The following ARFGAP2 variants were observed in gnomAD, a reference collection of about 807,000 sequenced individuals.
ARFGAP2 encodes the protein ADP-ribosylation factor GTPase-activating protein 2.
A neutral mutation model predicts 71.9 loss-of-function variants in ARFGAP2; 45 were observed. That is an observed-to-expected ratio of 0.63 (90% CI 0.49 to 0.80). The LOEUF is 0.80. ARFGAP2 is among the 30% of genes least tolerant of loss of function. The pLI is 0.00. For synonymous variants in ARFGAP2, 248 were observed against 249.2 expected, an observed-to-expected ratio of 1.00 and a Z score of 0.05; for missense variants, 633 against 673.9, an observed-to-expected ratio of 0.94 and a Z score of 0.67.
In ARFGAP2 at chr11:47,165,449, T is replaced by C; in HGVS notation, c.*33A>G. ...GGGAACTGTGGAGTTCTTGTTGCCG[T>C]CACCATCGTAAGCCTGAGTCACAGA... On this transcript the variant is annotated 3_prime_UTR_variant, in exon 16 of 16. Transcript: ENST00000524782. The C allele has an allele frequency of 1.3e-6, 2 of 1,564,950 alleles. No homozygotes were observed. The highest frequency in any genetic ancestry group is 2.8e-5 in the African/African-American group (2 of 71,556).
chr11:47,172,366 C>T (rs760344013), intron 7 of ARFGAP2, 33 bp from the exon 8 acceptor site: 4 of 1,612,698 alleles, frequency 2.5e-6, no homozygotes, highest in Non-Finnish European at 3.4e-6. Context: ...TGAGCTAAGA[C>T]AAAGGCAGCT....
chr11:47,166,733 G>T, intron 13 of ARFGAP2, 27 bp downstream of exon 13: 1 of 1,607,292 alleles, frequency 6.2e-7, no homozygotes. Context: ...TGCTGCCTCG[G>T]ACCTCAGGGC....
At chr11:47,169,790 C>T (rs1952524679) in intron 10 of ARFGAP2, among the ~76,000 whole-genome samples, 1 of 151,948 alleles carries the variant, frequency 6.6e-6, no homozygotes, top group African/African-American at 2.4e-5. Context: ...CACACCATTG[C>T]ACTCCAGCCT....
rs188233752 is a variant in ARFGAP2, at chr11:47,167,323, G to A, written c.1206-437C>T. Reference sequence around the variant, plus strand: ...TTTACTCTCAAAAGCATCCTGGTGTGGAAAGGGAGATGGTTGCTCTCATCT... The same window carrying A: ...TTTACTCTCAAAAGCATCCTGGTGTAGAAAGGGAGATGGTTGCTCTCATCT... On this transcript the variant is annotated intron_variant, in intron 12 of 15. Transcript: ENST00000524782. Among the ~76,000 whole-genome samples, 5 of 152,270 alleles carry A rather than the reference G, an allele frequency of 3.3e-5. No homozygotes were observed. In the East Asian group the frequency reaches 9.7e-4, roughly 29 times the overall value.
At position 47,173,795 on chromosome 11, in the gene ARFGAP2, G is replaced by A; in HGVS notation, c.526C>T (p.Gln176Ter). 1 of 1,606,106 alleles carries A rather than the reference G, an allele frequency of 6.2e-7. No individual in the cohort carries two copies. The highest frequency in any genetic ancestry group is 8.5e-7 in the Non-Finnish European group (1 of 1,176,468). ...CTGCTCTCTGTAGACGGGGCTGGCT[G>A]CTGGGTCCCTGAAGGCTCAGTGGCT... is the stretch of plus-strand genomic sequence containing the variant. ...APATEPSGTQ[Q>*]PAPSTESSGL... The change falls in exon 6 of 16, where the codon CAG (glutamine) becomes TAG (stop). Residue 176 changes from glutamine (Q) to a stop codon, truncating the protein, a stop_gained. Transcript: ENST00000524782. LOFTEE classifies it high-confidence loss of function.
chr11:47,168,640 C>T (rs990887782), intron 10 of ARFGAP2: 34 of 186,628 alleles, frequency 1.8e-4, no homozygotes, highest in Admixed American at 1.5e-3. Context: ...TGTGCCTCAG[C>T]CTCCCGAGCA....
chr11:47,171,096 T>C (rs992086320), intron 10 of ARFGAP2, among the ~76,000 whole-genome samples: 2 of 152,152 alleles, frequency 1.3e-5, no homozygotes, highest in African/African-American at 4.8e-5. Context: ...AGGATGATAC[T>C]AAATGCACCG....
Position 47,175,257 on chromosome 11 carries a change from A to G in ARFGAP2, c.321T>C (p.Asn107=). 1 of 1,614,078 alleles carries G rather than the reference A, an allele frequency of 6.2e-7. No homozygotes were observed. The change falls in exon 4 of 16, where the codon AAT becomes AAC. Residue 107 remains asparagine (N), a synonymous_variant. Coordinates refer to ENST00000524782, the MANE Select transcript of ARFGAP2 (RefSeq NM_032389.6). ...CCCGGTACATCTGGGCAGCTCGGCT[A>G]TTATATTTGGTGTTGGCATCATTGG... ...CTANDANTKY[N]SRAAQMYREK...
rs1476531908 is a variant in ARFGAP2, at chr11:47,166,331, C to G, written c.1482G>C (p.Gln494His). ...LPTADIAQFK[Q>H]GVKSVAGKMA... is the part of the protein sequence containing the mutation. ...TTTTCCCAGCCACAGACTTGACACC[C>G]TGCTTAAACTGGGCAATGTCCGCTG... The change falls in exon 15 of 16, where the codon CAG becomes CAC. Residue 494 changes from glutamine to histidine, a missense_variant. By Grantham distance (24) the Gln-to-His change is conservative. Transcript: ENST00000524782. The G allele has an allele frequency of 1.2e-6, 2 of 1,614,266 alleles. No individual in the cohort carries two copies. Among genetic ancestry groups the G allele is most frequent in the Middle Eastern group, 3.3e-4 (2 of 6,062 alleles).
chr11:47,176,834 T>C lies in ARFGAP2; in HGVS notation c.20A>G (p.Lys7Arg). 1 of 1,613,862 alleles carries C rather than the reference T, an allele frequency of 6.2e-7. No homozygotes were observed. Among genetic ancestry groups the C allele is most frequent in the Non-Finnish European group, 8.5e-7 (1 of 1,180,012 alleles). MAAEPN[K>R]TEIQTLFKRL... ...CTTAAAAAGAGTCTGGATTTCGGTC[T>C]TGTTCGGCTCCGCCGCCATTTTCTC... The change falls in exon 1 of 16, where the codon AAG (lysine) becomes AGG (arginine). Residue 7 changes from lysine (K) to arginine (R), a missense_variant. By Grantham distance (26) the Lys-to-Arg change is conservative. Coordinates refer to ENST00000524782, the MANE Select transcript of ARFGAP2 (RefSeq NM_032389.6).
chr11:47,167,315 C>G (rs1289434887), intron 12 of ARFGAP2, among the ~76,000 whole-genome samples: 1 of 152,134 alleles, frequency 6.6e-6, no homozygotes, highest in Non-Finnish European at 1.5e-5. Flanking sequence ...TCAAAAGCAT[C>G]CTGGTGTGGA....
At chr11:47,167,068 G>A (rs1214191358) in intron 12 of ARFGAP2, among the ~76,000 whole-genome samples, 182 bp from the exon 13 acceptor site, 2 of 152,184 alleles carry the variant, frequency 1.3e-5, no homozygotes, top group Admixed American at 6.5e-5. Context: ...CCACATTGAG[G>A]CCAAGGCCCA....
At chr11:47,173,981 A>C in intron 5 of ARFGAP2, 141 bp from the exon 6 acceptor site, 40 of 1,461,852 alleles carry the variant, frequency 2.7e-5, no homozygotes, top group Non-Finnish European at 3.4e-5. Flanking sequence ...AAACAAGATC[A>C]CAGTTGCTAT....
chr11:47,169,687 G>A (rs2867972), intron 10 of ARFGAP2: 46,428 of 151,820 alleles, frequency 0.31, 8,744 homozygotes, highest in African/African-American at 0.54. Context: ...GAGAAACCCT[G>A]TCTCTACTAA....
chr11:47,173,220 C>A, intron 7 of ARFGAP2: 1 of 652,934 alleles, frequency 1.5e-6, no homozygotes, highest in South Asian at 1.8e-5. Context: ...TACACCAGCC[C>A]ACCCAGATTC....
chr11:47,172,770 T>C, intron 7 of ARFGAP2: 1 of 1,291,876 alleles, frequency 7.7e-7, no homozygotes, highest in Non-Finnish European at 1.0e-6. Context: ...GAAACAGACT[T>C]GTGGCTAACA....
chr11:47,175,898 T>C lies in ARFGAP2; in HGVS notation c.217A>G (p.Asn73Asp), dbSNP rs775047334. The C allele has an allele frequency of 5.6e-6, 9 of 1,614,138 alleles. No homozygotes were observed. The South Asian group carries it at 9.9e-5, about 18-fold the overall frequency. The change falls in exon 3 of 16, where the codon AAC (asparagine) becomes GAC (aspartate). Residue 73 changes from asparagine to aspartate, a missense_variant. Physicochemically the swap from Asn to Asp is conservative, Grantham distance 23. Coordinates refer to ENST00000524782, the MANE Select transcript of ARFGAP2 (RefSeq NM_032389.6). ...TGCATACACCTCAGCTGGAACCAGT[T>C]CCAGTTGGAATCCAACTCTGTGGAC... is the stretch of plus-strand genomic sequence containing the variant. ...IRSTELDSNW[N>D]WFQLRCMQVG...
intron 1 of ARFGAP2, 22 bp downstream of exon 1, chr11:47,176,760 C>G: frequency 1.9e-6 from 3 of 1,613,986 alleles, no homozygotes; most frequent in Non-Finnish European, 2.5e-6. Flanking sequence ...CGAGAGACTC[C>G]GCGCGCCCCC....
At chr11:47,176,472 C>G (rs369603428) in intron 2 of ARFGAP2, 44 bp downstream of exon 2, 2 of 1,583,934 alleles carry the variant, frequency 1.3e-6, no homozygotes, top group Non-Finnish European at 1.7e-6. Context: ...CCAGACACCC[C>G]TGGCCGGCCG....
Sources: gnomAD v4.1 joint callset for allele counts (sites outside exome capture counted in the v4.1 genomes callset) on GRCh38, gnomAD v4.1.1 for gene constraint, MANE v1.5 for transcripts, NCBI Gene and HGNC (gene_info 2026-07-23, HGNC 2026-07-21) for gene names.